The following SHANK1 variants were observed in gnomAD, a reference collection of about 807,000 sequenced individuals.
The protein encoded by SHANK1 is SH3 and multiple ankyrin repeat domains protein 1.
SHANK1 carries 35 observed loss-of-function variants against 165.6 expected under a neutral mutation model. The observed-to-expected ratio is 0.21, with a 90% CI of 0.16 to 0.28. The LOEUF (loss-of-function observed/expected upper bound fraction) is 0.28. Among genes scored for constraint, SHANK1 ranks in the 10% least tolerant of loss-of-function variants. The pLI, the probability that SHANK1 is intolerant of heterozygous loss-of-function variation, is 1.00. For synonymous variants in SHANK1, 1,428 were observed against 1,384.8 expected (o/e 1.03, Z -0.69); for missense variants, 2,681 against 3,036.4 (o/e 0.88, Z 2.75).
intron 19 of SHANK1, chr19:50,687,141 TG>T: frequency 3.0e-6 from 2 of 661,112 alleles, no homozygotes; most frequent in South Asian, 2.8e-5. Context: ...GGCCCCGGGG[TG>T]GGGGCGGTCA....
Position 50,666,948 on chromosome 19 carries a change from G to T in SHANK1, c.5012C>A (p.Thr1671Lys). 1.3e-6 allele frequency: 2 copies of T among 1,598,214 alleles called. No individual in the cohort carries two copies. Among genetic ancestry groups the T allele is most frequent in the Non-Finnish European group, 1.7e-6 (2 of 1,171,994 alleles). The change falls in exon 23 of 24, where the codon ACG becomes AAG. Residue 1671 changes from threonine (T) to lysine (K), a missense_variant. By Grantham distance (78) the Thr-to-Lys change is moderately conservative. Around this residue, in one of 10 missense-constraint regions of SHANK1, gnomAD observed 1,713 missense variants for 1,630.2 expected, o/e 1.05. Transcript: ENST00000293441. ...GTCCACCTCCTCGATGCCAGAATCCGTGCCAGGCGGAGGGTCCGGGCCAGG... is the reference window on the plus strand; with the variant it reads ...GTCCACCTCCTCGATGCCAGAATCCTTGCCAGGCGGAGGGTCCGGGCCAGG... ...PQPGPDPPPGTDSGIEEVDSR... is the reference protein window; with the variant it reads ...PQPGPDPPPGKDSGIEEVDSR...
intron 15 of SHANK1, chr19:50,689,529 C>T: frequency 1.6e-6 from 1 of 638,890 alleles, no homozygotes; most frequent in East Asian, 3.0e-5. Flanking sequence ...CATCCATCCA[C>T]CCATCCATTC....
Position 50,661,985 on chromosome 19 carries a change from T to G in SHANK1, c.6466A>C (p.Lys2156Gln), listed in dbSNP as rs1479611041. The change falls in exon 24 of 24, where the codon AAA (lysine) becomes CAA (glutamine). Residue 2156 changes from lysine to glutamine, a missense_variant. Coordinates refer to ENST00000293441, the MANE Select transcript of SHANK1 (RefSeq NM_016148.5). ...AGCCATCACCTCTCCAGGAAGAATT[T>G]GAGAGCCCGGTCGATGTTCATGCGG... ...GHRMNIDRAL[K>Q]FFLER The G allele has an allele frequency of 6.2e-7, 1 of 1,613,912 alleles. No individual in the cohort carries two copies.
rs978156587 is a variant in SHANK1, at chr19:50,718,861, C to A, written c.-44+545G>T. Among the ~76,000 whole-genome samples the A allele has an allele frequency of 6.7e-6, 1 of 148,542 alleles. No homozygotes were observed. The highest frequency in any genetic ancestry group is 2.5e-5 in the African/African-American group (1 of 40,010). On this transcript the variant is annotated intron_variant, in intron 1 of 23. Transcript: ENST00000293441. This position sits in a 1 kb window ranked among gnomAD's most constrained non-coding sequence, Gnocchi z 5.1. Reference sequence around the variant, plus strand: ...GTCGGGGGCGGGAGCCGAGGGGGCGCGCCGGCCGGCGGTGTAGGGACTGGA... The same window carrying A: ...GTCGGGGGCGGGAGCCGAGGGGGCGAGCCGGCCGGCGGTGTAGGGACTGGA...
chr19:50,689,016 G>T (rs1430167421), intron 16 of SHANK1, 48 bp from the exon 17 acceptor site: 1 of 1,376,198 alleles, frequency 7.3e-7, no homozygotes, highest in East Asian at 2.5e-5. Flanking sequence ...GGGGTGGAGA[G>T]GCCGAGCAGG....
At chr19:50,714,042 C>T (rs1190355831) in intron 5 of SHANK1, 93 bp from the exon 6 acceptor site, 26 of 1,558,324 alleles carry the variant, frequency 1.7e-5, no homozygotes, top group Non-Finnish European at 2.3e-5. Flanking sequence ...CACCCCACAG[C>T]CTCTGGCCCC....
Position 50,666,802 on chromosome 19 carries a change from T to A in SHANK1, c.5158A>T (p.Ser1720Cys), listed in dbSNP as rs752856026. 3.2e-5 allele frequency: 49 copies of A among 1,550,060 alleles called. No individual in the cohort carries two copies. Among genetic ancestry groups the A allele is most frequent in the Non-Finnish European group, 4.2e-5 (48 of 1,147,800 alleles). ...GGGGAGAGVA[S>C]GPELLDTYVA... ...TAGGTGTCCAGAAGCTCCGGCCCAC[T>A]GGCCACACCGGCCCCAGCCCCGCCC... The change falls in exon 23 of 24, where the codon AGT becomes TGT. Residue 1720 changes from serine (S) to cysteine (C), a missense_variant. By Grantham distance (112) the Ser-to-Cys change is moderately radical. This residue lies in a region of SHANK1 where 1,713 missense variants were observed against 1,630.2 expected (regional missense o/e 1.05). Coordinates refer to ENST00000293441, the MANE Select transcript of SHANK1 (RefSeq NM_016148.5).
In SHANK1 at chr19:50,667,395, C is replaced by A. The variant is rs537602922; in HGVS notation, c.4565G>T (p.Ser1522Ile). 5 of 1,524,154 alleles carry A rather than the reference C, an allele frequency of 3.3e-6. No homozygotes were observed. In the Admixed American group the frequency reaches 6.0e-5, roughly 18 times the overall value. 94.4% of individuals were successfully genotyped at this position (1,524,154 alleles called of 1,614,324 possible). The change falls in exon 23 of 24, where the codon AGC becomes ATC. Residue 1522 changes from serine to isoleucine, a missense_variant. Ser to Ile is a moderately radical substitution (Grantham distance 142). Transcript: ENST00000293441. The surrounding 1 kb of genome is among the most constrained non-coding windows in gnomAD (Gnocchi z 5.7). ...SEDGPGVPPP[S>I]PRRSVPPSPT... ...GGAGGGGGGCACGGACCGGCGTGGG[C>A]TGGGCGGCGGGACCCCCGGCCCGTC...
At chr19:50,695,086 CCCG>C (rs768896742) in intron 15 of SHANK1, among the ~76,000 whole-genome samples, 8 of 145,908 alleles carry the variant, frequency 5.5e-5, no homozygotes, top group African/African-American at 7.4e-5. Flanking sequence ...GCCGGCCGCC[CCCG>C]CCGCCGCCGC....
Position 50,702,728 on chromosome 19 carries a change from T to G in SHANK1, c.1554-68A>C. The G allele has an allele frequency of 4.4e-6, 4 of 916,170 alleles. No individual in the cohort carries two copies. The highest frequency in any genetic ancestry group is 2.9e-5 in the East Asian group (1 of 34,860). The allele number at this position is 916,170 out of a possible 1,614,324, so 56.8% of individuals were successfully genotyped here. On this transcript the variant is annotated intron_variant, in intron 11 of 23. Transcript: ENST00000293441. This position sits in a 1 kb window ranked among gnomAD's most constrained non-coding sequence, Gnocchi z 5.3. ...GGGGACACCTCTGGGAGGACAGGGG[T>G]CCTTGGGTGGGGGAAGAGGACGGTG...
chr19:50,697,735 C>T lies in SHANK1; in HGVS notation c.1862-71G>A, dbSNP rs1986787335. The stretch of plus-strand genomic sequence containing the variant: ...ACAATCCCAGCCCTAGAGCTCCTGG[C>T]CCAAGTCTTCCCATCTACCTCCCAG... On this transcript the variant is annotated intron_variant, in intron 13 of 23. Transcript: ENST00000293441. The surrounding 1 kb of genome is among the most constrained non-coding windows in gnomAD (Gnocchi z 4.7). 6.5e-6 allele frequency: 10 copies of T among 1,544,472 alleles called. No homozygotes were observed. In the South Asian group the frequency reaches 8.9e-5, roughly 14 times the overall value.
At chr19:50,711,568 GC>G (rs777442092) in intron 7 of SHANK1, 81 bp from the exon 8 acceptor site, 575 of 990,222 alleles carry the variant, frequency 5.8e-4, no homozygotes, top group Non-Finnish European at 8.3e-4. Flanking sequence ...TATGACCTGT[GC>G]ACTGGCCTTC....
At chr19:50,699,482 G>A (rs1156975820) in intron 12 of SHANK1, among the ~76,000 whole-genome samples, 2 of 152,188 alleles carry the variant, frequency 1.3e-5, no homozygotes, top group Non-Finnish European at 2.9e-5. Flanking sequence ...CCAGGGAGGT[G>A]TCCCTGAGGT....
At chr19:50,682,221 A>G (rs751343865) in intron 21 of SHANK1, among the ~76,000 whole-genome samples, 1 of 151,500 alleles carries the variant, frequency 6.6e-6, no homozygotes, top group African/African-American at 2.4e-5. Flanking sequence ...ACGCCCAGCT[A>G]ATTTTTGTAT....
intron 19 of SHANK1, chr19:50,687,038 A>G: frequency 2.0e-6 from 3 of 1,477,072 alleles, no homozygotes; most frequent in Non-Finnish European, 2.7e-6. Flanking sequence ...TTCCAGGGGG[A>G]GACTAGCCCG....
In SHANK1 at chr19:50,668,464, T is replaced by C; in HGVS notation, c.3496A>G (p.Ser1166Gly). The change falls in exon 23 of 24, where the codon AGT becomes GGT. Residue 1166 changes from serine to glycine, a missense_variant. Ser to Gly is a moderately conservative substitution (Grantham distance 56). Coordinates refer to ENST00000293441, the MANE Select transcript of SHANK1 (RefSeq NM_016148.5). ...CCCTGGCTGCTGCGGCCGCTGCTACTGGTGGACGGGGCCTTGATGATGATG... is the reference window on the plus strand; with the variant it reads ...CCCTGGCTGCTGCGGCCGCTGCTACCGGTGGACGGGGCCTTGATGATGATG... ...PTIIIKAPST[S>G]SSGRSSQGSS... The C allele has an allele frequency of 7.5e-7, 1 of 1,334,020 alleles. No individual in the cohort carries two copies. Among genetic ancestry groups the C allele is most frequent in the Non-Finnish European group, 9.6e-7 (1 of 1,040,800 alleles). The allele number at this position is 1,334,020 out of a possible 1,614,324, so 82.6% of individuals were successfully genotyped here.
At chr19:50,707,564 CTTTTT>C (rs11291754) in intron 8 of SHANK1, among the ~76,000 whole-genome samples, 1 of 142,292 alleles carries the variant, frequency 7.0e-6, no homozygotes, top group Admixed American at 7.0e-5. Context: ...CTTCTTCTTC[CTTTTT>C]TTTTTTTTTT....
intron 21 of SHANK1, among the ~76,000 whole-genome samples, chr19:50,680,504 TAGG>T (rs1486626333): frequency 2.0e-5 from 3 of 152,074 alleles, no homozygotes; most frequent in Non-Finnish European, 4.4e-5. Flanking sequence ...AGCAGAGCCC[TAGG>T]AGGAGACAGC....
rs1312073355 is a variant in SHANK1 at position 50,688,958 on chromosome 19, G to T, written c.2058C>A (p.Pro686=). The T allele has an allele frequency of 6.5e-7, 1 of 1,548,806 alleles. No individual in the cohort carries two copies. Among genetic ancestry groups the T allele is most frequent in the Admixed American group, 2.0e-5 (1 of 51,172 alleles). The change falls in exon 17 of 24, where the codon CCC becomes CCA. Residue 686 remains proline, a synonymous_variant. Coordinates refer to ENST00000293441, the MANE Select transcript of SHANK1 (RefSeq NM_016148.5). The surrounding 1 kb of genome is among the most constrained non-coding windows in gnomAD (Gnocchi z 6.7). ...CCGGGGTGGGGGTGAACTCCTCGAT[G>T]GGGGTCTGCGCTGCAGACAGGGAGG... ...FVLRGAKAQT[P]IEEFTPTPAF...
Sources: gnomAD v4.1 joint callset for allele counts (sites outside exome capture counted in the v4.1 genomes callset) on GRCh38, gnomAD v4.1.1 for gene constraint, gnomAD v4.1.1 regional missense constraint, Gnocchi (gnomAD v3.1) non-coding constraint, MANE v1.5 for transcripts, NCBI Gene and HGNC (gene_info 2026-07-23, HGNC 2026-07-21) for gene names.